The following ZNF317 variants were observed in gnomAD, a reference collection of about 807,000 sequenced individuals.
ZNF317 encodes the protein zinc finger protein 317, also known as KRAB-containing zinc finger protein 317.
Under a neutral mutation model 23.4 loss-of-function variants are expected in ZNF317, and 17 were observed. The ratio of observed to expected loss-of-function variants is 0.73; its 90% confidence interval spans 0.50 to 1.09. The LOEUF (loss-of-function observed/expected upper bound fraction) is 1.09, where lower values mean the gene tolerates loss of function less well. Ranked by LOEUF, ZNF317 falls within the 50% of genes least tolerant of loss-of-function variation. The pLI is 0.00. For missense variants in ZNF317, 679 were observed against 796.7 expected, an observed-to-expected ratio of 0.85 and a Z score of 1.78; for synonymous variants, 317 against 314.9, an observed-to-expected ratio of 1.01 and a Z score of -0.07.
At chr19:9,150,027 G>C (rs1294726105) in intron 1 of ZNF317, among the ~76,000 whole-genome samples, 1 of 152,192 alleles carries the variant, frequency 6.6e-6, no homozygotes, top group African/African-American at 2.4e-5. Flanking sequence ...AGAGTTGAAG[G>C]TGATGACGAG....
In ZNF317 at chr19:9,162,197, A is replaced by C. The variant is rs1191195398; in HGVS notation, c.*764A>C. The C allele has an allele frequency of 1.3e-5, 2 of 151,982 alleles. No individual in the cohort carries two copies. Among genetic ancestry groups the C allele is most frequent in the African/African-American group, 4.8e-5 (2 of 41,378 alleles). 9.4% of individuals were successfully genotyped at this position (151,982 alleles called of 1,614,324 possible). On this transcript the variant is annotated 3_prime_UTR_variant, in exon 7 of 7. Coordinates refer to ENST00000247956, the MANE Select transcript of ZNF317 (RefSeq NM_020933.5). Reference sequence around the variant, plus strand: ...TTGGTAGTTAGAATGGGGGGAAGATACTCCTGACTTGTAATAAGAAGACAT... The same window carrying C: ...TTGGTAGTTAGAATGGGGGGAAGATCCTCCTGACTTGTAATAAGAAGACAT...
rs184603403 is a variant in ZNF317 at position 9,156,436 on chromosome 19, G to T, written c.26-176G>T. ...CTCTTTATGTTTTTGGTGGAACAGG[G>T]CTGCTCTGACTTGTTATGAAACTGA... On this transcript the variant is annotated intron_variant, in intron 2 of 6. Transcript: ENST00000247956. 2.6e-5 allele frequency among the ~76,000 whole-genome samples: 4 copies of T among 152,264 alleles called. No individual in the cohort carries two copies. The East Asian group carries it at 7.7e-4, about 29-fold the overall frequency.
At chr19:9,142,070 T>G (rs2050636933) in intron 1 of ZNF317, among the ~76,000 whole-genome samples, 1 of 152,168 alleles carries the variant, frequency 6.6e-6, no homozygotes, top group African/African-American at 2.4e-5. Flanking sequence ...CCTCCCAAAG[T>G]GCTGGGATTG....
intron 1 of ZNF317, among the ~76,000 whole-genome samples, chr19:9,142,444 C>T (rs2050640843): frequency 1.3e-5 from 2 of 151,738 alleles, no homozygotes; most frequent in African/African-American, 2.4e-5. Flanking sequence ...TTGTGTCTGC[C>T]GAAGGCTTTT....
rs1031435414 is a variant in ZNF317 at position 9,140,463 on chromosome 19, G to A, written c.-222G>A. 3 of 455,962 alleles carry A rather than the reference G, an allele frequency of 6.6e-6. No homozygotes were observed. The highest frequency in any genetic ancestry group is 6.0e-5 in the African/African-American group (3 of 50,058). 28.2% of individuals were successfully genotyped at this position (455,962 alleles called of 1,614,324 possible). On this transcript the variant is annotated 5_prime_UTR_variant, in exon 1 of 7. Transcript: ENST00000247956. ...AGACACATGGGCCAAGGAGGGGTCAGCGGCGAATTCTTTCGGCCTGTTGGG... is the reference window on the plus strand; with the variant it reads ...AGACACATGGGCCAAGGAGGGGTCAACGGCGAATTCTTTCGGCCTGTTGGG...
At chr19:9,150,148 A>T (rs1164536847) in intron 1 of ZNF317, among the ~76,000 whole-genome samples, 9 of 152,140 alleles carry the variant, frequency 5.9e-5, no homozygotes, top group Admixed American at 5.9e-4. Flanking sequence ...CTGTTGCAGT[A>T]GGGATACTAA....
intron 6 of ZNF317, among the ~76,000 whole-genome samples, chr19:9,159,469 TG>T (rs1386752047): frequency 3.3e-5 from 5 of 152,048 alleles, no homozygotes; most frequent in African/African-American, 1.2e-4. Flanking sequence ...CCCAAAGTGC[TG>T]GGATTATAGG....
chr19:9,143,854 C>T (rs1295227635), intron 1 of ZNF317, among the ~76,000 whole-genome samples: 1 of 147,618 alleles, frequency 6.8e-6, no homozygotes, highest in African/African-American at 2.5e-5. Context: ...TTATGTAATA[C>T]TTCATTTTTC....
Position 9,150,928 on chromosome 19 carries a change from C to T in ZNF317, c.-92-4997C>T, listed in dbSNP as rs141539458. Among the ~76,000 whole-genome samples the T allele has an allele frequency of 4.6e-5, 7 of 152,300 alleles. No individual in the cohort carries two copies. In the East Asian group the frequency reaches 1.4e-3, roughly 29 times the overall value. The stretch of plus-strand genomic sequence containing the variant: ...TGTCTCGGACCCTTGGTGCCTTATT[C>T]TCTGGGTACTTGAGAATAATTCCGG... On this transcript the variant is annotated intron_variant, in intron 1 of 6. Coordinates refer to ENST00000247956, the MANE Select transcript of ZNF317 (RefSeq NM_020933.5).
chr19:9,157,051 C>A (rs2050791562), intron 3 of ZNF317: 5 of 647,054 alleles, frequency 7.7e-6, no homozygotes, highest in Non-Finnish European at 1.3e-5. Context: ...AGTCCCTTGT[C>A]AGGGTTGCAT....
In ZNF317 at chr19:9,160,575, G is replaced by A; in HGVS notation, c.930G>A (p.Gln310=). 6.2e-7 allele frequency: 1 copy of A among 1,614,196 alleles called. No individual in the cohort carries two copies. The highest frequency in any genetic ancestry group is 8.5e-7 in the Non-Finnish European group (1 of 1,180,038). Residue 310 remains glutamine (Q), a synonymous_variant, in exon 7 of 7, where the codon CAG becomes CAA. Transcript: ENST00000247956. This position sits in a 1 kb window ranked among gnomAD's most constrained non-coding sequence, Gnocchi z 6.8. ...GCGAGAGGCCTTACAAGTGTGATCA[G>A]TGCGGGAAGGCTTACGGCCGGAGCT... ...HTGERPYKCD[Q]CGKAYGRSCH...
In ZNF317 at chr19:9,156,813, T is replaced by C. The variant is rs528851750; in HGVS notation, c.162+65T>C. 15 of 1,562,376 alleles carry C rather than the reference T, an allele frequency of 9.6e-6. No homozygotes were observed. The South Asian group carries it at 1.8e-4, about 19-fold the overall frequency. ...CTTCCTGGAAGACCCCACCAGTGCATGCTGGAATTCTTGCAGAGCTTCATC... is the reference window on the plus strand; with the variant it reads ...CTTCCTGGAAGACCCCACCAGTGCACGCTGGAATTCTTGCAGAGCTTCATC... On this transcript the variant is annotated intron_variant, in intron 3 of 6. Coordinates refer to ENST00000247956, the MANE Select transcript of ZNF317 (RefSeq NM_020933.5).
intron 1 of ZNF317, among the ~76,000 whole-genome samples, chr19:9,149,956 T>C (rs1463760538): frequency 6.6e-6 from 1 of 152,156 alleles, no homozygotes; most frequent in Non-Finnish European, 1.5e-5. Context: ...TATTAAGTTT[T>C]AAAGTTAAGG....
Position 9,158,087 on chromosome 19 carries a change from C to A in ZNF317, c.385+12C>A. On this transcript the variant is annotated intron_variant, in intron 5 of 6. Coordinates refer to ENST00000247956, the MANE Select transcript of ZNF317 (RefSeq NM_020933.5). Reference sequence around the variant, plus strand: ...GGGCGCTTGTGCAGGTGAGCGAGCCCCAGGCAAAGAGCGGTGCTGTGACTC... The same window carrying A: ...GGGCGCTTGTGCAGGTGAGCGAGCCACAGGCAAAGAGCGGTGCTGTGACTC... The A allele has an allele frequency of 6.5e-7, 1 of 1,548,572 alleles. No individual in the cohort carries two copies. The highest frequency in any genetic ancestry group is 8.7e-7 in the Non-Finnish European group (1 of 1,145,840).
intron 4 of ZNF317, 69 bp from the exon 5 acceptor site, chr19:9,157,911 C>T: frequency 6.6e-7 from 1 of 1,514,198 alleles, no homozygotes; most frequent in Non-Finnish European, 8.9e-7. Context: ...AAGTGTTGAG[C>T]CCAGGCTACT....
rs200591339 is a variant in ZNF317 at position 9,158,363 on chromosome 19, C to CTTTT, written c.385+313_385+316dup. Among the ~76,000 whole-genome samples the CTTTT allele has an allele frequency of 6.4e-4, 49 of 76,526 alleles. 9 individuals carry two copies. Among genetic ancestry groups the CTTTT allele is most frequent in the African/African-American group, 2.3e-3 (36 of 15,670 alleles). 50.2% of individuals were successfully genotyped at this position (76,526 alleles called of 152,430 possible). ...CTGAATTGCCTTAAATTTCTTTTTTCTTTTTTTTTTTTTTTTTTTTTTTTT... is the reference window on the plus strand; with the variant it reads ...CTGAATTGCCTTAAATTTCTTTTTTCTTTTTTTTTTTTTTTTTTTTTTTTTTTTT... On this transcript the variant is annotated intron_variant, in intron 5 of 6. Coordinates refer to ENST00000247956, the MANE Select transcript of ZNF317 (RefSeq NM_020933.5).
At chr19:9,152,009 C>G (rs2050740075) in intron 1 of ZNF317, among the ~76,000 whole-genome samples, 1 of 151,096 alleles carries the variant, frequency 6.6e-6, no homozygotes, top group African/African-American at 2.4e-5. Context: ...CAGGTTCACA[C>G]CATTCTCCTG....
Position 9,161,092 on chromosome 19 carries a change from T to G in ZNF317, c.1447T>G (p.Phe483Val). 4.3e-6 allele frequency: 7 copies of G among 1,614,182 alleles called. No homozygotes were observed. Among genetic ancestry groups the G allele is most frequent in the Non-Finnish European group, 5.1e-6 (6 of 1,180,030 alleles). The stretch of plus-strand genomic sequence containing the variant: ...CGAATGCGCCGCCTGCGGGAAAGTC[T>G]TCGGTGACTATTTATCCCGGCGGAG... ...RYECAACGKVFGDYLSRRRHM... is the reference protein window; with the variant it reads ...RYECAACGKVVGDYLSRRRHM... The change falls in exon 7 of 7, where the codon TTC (phenylalanine) becomes GTC (valine). Residue 483 changes from phenylalanine to valine, a missense_variant. Coordinates refer to ENST00000247956, the MANE Select transcript of ZNF317 (RefSeq NM_020933.5). The surrounding 1 kb of genome is among the most constrained non-coding windows in gnomAD (Gnocchi z 4.0).
intron 1 of ZNF317, among the ~76,000 whole-genome samples, chr19:9,146,141 AC>A (rs2050680980): frequency 6.6e-6 from 1 of 151,892 alleles, no homozygotes; most frequent in Admixed American, 6.6e-5. Flanking sequence ...TCTTGCCAGC[AC>A]ATGAATTTGA....
Sources: allele counts gnomAD v4.1 joint callset (sites outside exome capture counted in the v4.1 genomes callset), GRCh38; gene constraint gnomAD v4.1.1; non-coding constraint Gnocchi (gnomAD v3.1); transcripts MANE v1.5; gene names NCBI Gene and HGNC (gene_info 2026-07-23, HGNC 2026-07-21).